CYP2R1: variants seen among roughly 807,000 people sequenced by gnomAD.
The protein encoded by CYP2R1 is vitamin D 25-hydroxylase.
A neutral mutation model predicts 45.7 loss-of-function variants in CYP2R1; 40 were observed. The observed-to-expected ratio is 0.87, with a 90% CI of 0.68 to 1.14. The LOEUF (loss-of-function observed/expected upper bound fraction) is 1.14, where lower values mean the gene tolerates loss of function less well. Ranked by LOEUF, CYP2R1 falls within the 50% of genes most tolerant of loss-of-function variation. The probability of loss-of-function intolerance (pLI) is 0.00; values close to 1 mark genes in which losing one functional copy is unlikely to be tolerated. For missense variants in CYP2R1, 605 were observed against 602.6 expected (o/e 1.00, Z -0.04); for synonymous variants, 234 against 219.3 (o/e 1.07, Z -0.59).
In CYP2R1 at chr11:14,885,893, T is replaced by C; in HGVS notation, c.250A>G (p.Ile84Val). Residue 84 changes from isoleucine (I) to valine (V), a missense_variant, in exon 2 of 5, where the codon ATA (isoleucine) becomes GTA (valine). Coordinates refer to ENST00000334636, the MANE Select transcript of CYP2R1 (RefSeq NM_024514.5). ...TAGCCATTTAGAACCACAGTTGATATGCCTCCAAGATCTAAACTGAAGATC... is the reference window on the plus strand; with the variant it reads ...TAGCCATTTAGAACCACAGTTGATACGCCTCCAAGATCTAAACTGAAGATC... ...GEIFSLDLGGISTVVLNGYDV... is the reference protein window; with the variant it reads ...GEIFSLDLGGVSTVVLNGYDV... 1 of 1,613,612 alleles carries C rather than the reference T, an allele frequency of 6.2e-7. No homozygotes were observed. The highest frequency in any genetic ancestry group is 8.5e-7 in the Non-Finnish European group (1 of 1,179,686).
At chr11:14,891,795 G>C (rs1385610521) in intron 1 of CYP2R1, 186 bp downstream of exon 1, 1 of 1,409,246 alleles carries the variant, frequency 7.1e-7, no homozygotes, top group African/African-American at 1.5e-5. Flanking sequence ...CCCCCTGCAA[G>C]GGGGCACGGC....
intron 1 of CYP2R1, chr11:14,891,680 A>C: frequency 8.5e-7 from 1 of 1,180,542 alleles, no homozygotes; most frequent in Non-Finnish European, 1.1e-6. Flanking sequence ...CTGGCGAGCC[A>C]AACGGCGCAG....
Position 14,892,180 on chromosome 11 carries a change from T to G in CYP2R1, c.26A>C (p.Glu9Ala). MWKLWRAEEGAAALGGALF... is the reference protein window; with the variant it reads MWKLWRAEAGAAALGGALF... ...CGCGCCGCCGAGCGCCGCCGCGCCC[T>G]CTTCAGCTCTCCAAAGCTTCCACAT... Residue 9 changes from glutamate to alanine, a missense_variant, in exon 1 of 5, where the codon GAG becomes GCG. Transcript: ENST00000334636. 6.2e-7 allele frequency: 1 copy of G among 1,610,544 alleles called. No homozygotes were observed. Among genetic ancestry groups the G allele is most frequent in the Admixed American group, 1.7e-5 (1 of 59,996 alleles).
intron 2 of CYP2R1, 65 bp downstream of exon 2, chr11:14,885,711 C>T: frequency 6.4e-7 from 1 of 1,552,372 alleles, no homozygotes; most frequent in Non-Finnish European, 8.9e-7. Context: ...TGCACTAAAA[C>T]TTAAAATAAG....
At chr11:14,891,577 C>T in intron 1 of CYP2R1, 1 of 1,034,718 alleles carries the variant, frequency 9.7e-7, no homozygotes, top group Non-Finnish European at 1.2e-6. Flanking sequence ...TTCCGACAAG[C>T]CGCGTGCAGC....
Position 14,891,612 on chromosome 11 carries a change from C to G in CYP2R1, c.225+369G>C, listed in dbSNP as rs571423971. 32 of 1,068,064 alleles carry G rather than the reference C, an allele frequency of 3.0e-5. No individual in the cohort carries two copies. In the South Asian group the frequency reaches 7.0e-4, roughly 23 times the overall value. 66.2% of individuals were successfully genotyped at this position (1,068,064 alleles called of 1,614,324 possible). ...CTTCCACAGAGCTGCGAGGCCGACT[C>G]GCAAGACGCCCGCACCTGAGGGCAT... On this transcript the variant is annotated intron_variant, in intron 1 of 4. Coordinates refer to ENST00000334636, the MANE Select transcript of CYP2R1 (RefSeq NM_024514.5).
intron 1 of CYP2R1, chr11:14,890,824 A>T (rs1347007718): frequency 2.1e-6 from 2 of 974,520 alleles, no homozygotes; most frequent in East Asian, 2.3e-4. Flanking sequence ...CTGGGATTAT[A>T]GGCGTGAGCC....
chr11:14,892,093 C>G lies in CYP2R1; in HGVS notation c.113G>C (p.Gly38Ala). ...CAGCCCCGGCGGCCCCGGGGGGAAG[C>G]CCATCGGCCGCCTCTGCTTCAGCAG... Reference protein sequence around the residue: ...RQLLKQRRPMGFPPGPPGLPF... With the variant: ...RQLLKQRRPMAFPPGPPGLPF... The change falls in exon 1 of 5, where the codon GGC becomes GCC. Residue 38 changes from glycine to alanine, a missense_variant. Physicochemically the swap from Gly to Ala is moderately conservative, Grantham distance 60. Coordinates refer to ENST00000334636, the MANE Select transcript of CYP2R1 (RefSeq NM_024514.5). 1.2e-6 allele frequency: 2 copies of G among 1,611,722 alleles called. No homozygotes were observed. Among genetic ancestry groups the G allele is most frequent in the Non-Finnish European group, 1.7e-6 (2 of 1,179,664 alleles).
rs1555011875 is a variant in CYP2R1, at chr11:14,880,624, G to A, written c.512C>T (p.Thr171Ile). ...AAAGTCAAAAGGTCTACCTTTGTAT[G>A]TTTCAATAGCATCATTGAAAAATTT... Reference protein sequence around the residue: ...ETKFFNDAIETYKGRPFDFKQ... With the variant: ...ETKFFNDAIEIYKGRPFDFKQ... The change falls in exon 3 of 5, where the codon ACA becomes ATA. Residue 171 changes from threonine to isoleucine, a missense_variant. Thr to Ile is a moderately conservative substitution (Grantham distance 89). Coordinates refer to ENST00000334636, the MANE Select transcript of CYP2R1 (RefSeq NM_024514.5). 2 of 1,606,420 alleles carry A rather than the reference G, an allele frequency of 1.2e-6. No homozygotes were observed. Among genetic ancestry groups the A allele is most frequent in the East Asian group, 2.2e-5 (1 of 44,770 alleles).
intron 2 of CYP2R1, among the ~76,000 whole-genome samples, chr11:14,881,510 C>T (rs985781608): frequency 3.9e-5 from 6 of 152,078 alleles, no homozygotes; most frequent in Non-Finnish European, 4.4e-5. Context: ...TACTGGGACA[C>T]GGTTGTACCT....
At chr11:14,889,608 A>C (rs1848752775) in intron 1 of CYP2R1, among the ~76,000 whole-genome samples, 1 of 152,176 alleles carries the variant, frequency 6.6e-6, no homozygotes, top group Admixed American at 6.5e-5. Context: ...TCTCTCTGTA[A>C]AGAACCATGG....
intron 1 of CYP2R1, chr11:14,887,638 T>C (rs1156453870): frequency 1.0e-6 from 1 of 985,218 alleles, no homozygotes; most frequent in East Asian, 1.1e-4. Flanking sequence ...GCCTTCTAGA[T>C]CACTCCATGA....
chr11:14,884,449 G>A (rs1310138022), intron 2 of CYP2R1, among the ~76,000 whole-genome samples: 17 of 148,044 alleles, frequency 1.1e-4, no homozygotes, highest in South Asian at 8.5e-4. Context: ...ACCAAACACC[G>A]CATATTCTCA....
Position 14,877,739 on chromosome 11 carries a change from C to T in CYP2R1, c.*383G>A. 5.4e-6 allele frequency: 1 copy of T among 185,138 alleles called. No individual in the cohort carries two copies. The highest frequency in any genetic ancestry group is 1.1e-5 in the Non-Finnish European group (1 of 89,704). 11.5% of individuals were successfully genotyped at this position (185,138 alleles called of 1,614,324 possible). A position where few individuals can be genotyped will look rare whatever the true frequency, so the allele number is the denominator to read the frequency against. ...ACCACACAGTTTATTAATGACAATACCTGATCAGAAGGGAGCTGGTTTCTG... is the reference window on the plus strand; with the variant it reads ...ACCACACAGTTTATTAATGACAATATCTGATCAGAAGGGAGCTGGTTTCTG... On this transcript the variant is annotated 3_prime_UTR_variant, in exon 5 of 5. Coordinates refer to ENST00000334636, the MANE Select transcript of CYP2R1 (RefSeq NM_024514.5).
intron 1 of CYP2R1, 179 bp downstream of exon 1, chr11:14,891,802 C>A (rs916295180): frequency 2.2e-5 from 31 of 1,410,784 alleles, no homozygotes; most frequent in Non-Finnish European, 2.9e-5. Flanking sequence ...CAAGGGGGCA[C>A]GGCGTCGAGG....
At chr11:14,891,770 G>T in intron 1 of CYP2R1, 3 of 1,384,800 alleles carry the variant, frequency 2.2e-6, no homozygotes, top group Non-Finnish European at 2.8e-6. Context: ...GTGGGTCACC[G>T]GCAGGGGCGG....
At chr11:14,891,617 G>A in intron 1 of CYP2R1, 2 of 1,071,020 alleles carry the variant, frequency 1.9e-6, no homozygotes, top group African/African-American at 1.7e-5. Flanking sequence ...CGACTCGCAA[G>A]ACGCCCGCAC....
At position 14,877,968 on chromosome 11, in the gene CYP2R1, T is replaced by G; in HGVS notation, c.*154A>C. ...TTGAAAAACAATCACGACTAGTGCT[T>G]GTTTCTGCTCTAGTACTATTTTAAG... On this transcript the variant is annotated 3_prime_UTR_variant, in exon 5 of 5. Coordinates refer to ENST00000334636, the MANE Select transcript of CYP2R1 (RefSeq NM_024514.5). 2 of 730,032 alleles carry G rather than the reference T, an allele frequency of 2.7e-6. No homozygotes were observed. The highest frequency in any genetic ancestry group is 4.1e-5 in the South Asian group (2 of 48,506). The allele number at this position is 730,032 out of a possible 1,614,324, so 45.2% of individuals were successfully genotyped here.
intron 1 of CYP2R1, chr11:14,890,853 G>C: frequency 1.0e-6 from 1 of 985,158 alleles, no homozygotes; most frequent in Non-Finnish European, 1.2e-6. Context: ...CGGGCACCTA[G>C]ACCAATCCTT....
Sources: gnomAD v4.1 joint callset for allele counts (sites outside exome capture counted in the v4.1 genomes callset) on GRCh38, gnomAD v4.1.1 for gene constraint, MANE v1.5 for transcripts, NCBI Gene and HGNC (gene_info 2026-07-23, HGNC 2026-07-21) for gene names.